Variants in SDK1 observed in about 807,000 individuals in gnomAD.
The protein encoded by SDK1 is sidekick cell adhesion molecule 1.
A neutral mutation model predicts 245.5 loss-of-function variants in SDK1; 157 were observed. The ratio of observed to expected loss-of-function variants is 0.64; its 90% confidence interval spans 0.56 to 0.73. SDK1 has a LOEUF of 0.73. Ranked by LOEUF, SDK1 falls within the 30% of genes least tolerant of loss-of-function variation. The probability of loss-of-function intolerance (pLI) is 0.00; values close to 1 mark genes in which losing one functional copy is unlikely to be tolerated. For synonymous variants in SDK1, 1,647 were observed against 1,278.5 expected, an observed-to-expected ratio of 1.29 and a Z score of -6.15; for missense variants, 3,583 against 3,002.3, an observed-to-expected ratio of 1.19 and a Z score of -4.52.
intron 30 of SDK1, among the ~76,000 whole-genome samples, chr7:4,157,429 GGCAAGA>G (rs1780815057): frequency 1.3e-5 from 1 of 75,650 alleles, no homozygotes; most frequent in African/African-American, 4.7e-5. Flanking sequence ...AGGGAAGGAA[GGCAAGA>G]GAAAAGGAGG....
At chr7:4,079,686 G>A in intron 22 of SDK1, 102 bp downstream of exon 22, 1 of 1,509,598 alleles carries the variant, frequency 6.6e-7, no homozygotes, top group African/African-American at 1.4e-5. Context: ...GTGTCGGGGA[G>A]ATGGGTGTGC....
At chr7:3,618,902 C>T (rs1371475830) in intron 1 of SDK1, among the ~76,000 whole-genome samples, 178 bp from the exon 2 acceptor site, 2 of 152,162 alleles carry the variant, frequency 1.3e-5, no homozygotes, top group South Asian at 4.1e-4. Flanking sequence ...GAAATATTAT[C>T]TGGGGTATTG....
chr7:3,549,923 G>A (rs1779346405), intron 1 of SDK1, among the ~76,000 whole-genome samples: 1 of 152,058 alleles, frequency 6.6e-6, no homozygotes, highest in Non-Finnish European at 1.5e-5. Flanking sequence ...TTTGGTGCAT[G>A]TGGCATGAAA....
chr7:3,940,253 T>C (rs1452915567), intron 5 of SDK1, among the ~76,000 whole-genome samples: 1 of 152,194 alleles, frequency 6.6e-6, no homozygotes, highest in East Asian at 1.9e-4. Flanking sequence ...AGAATAGTGA[T>C]TCAAGTTGGA....
chr7:3,828,675 ACACAAGGACTCTGT>A (rs1779840028), intron 5 of SDK1, among the ~76,000 whole-genome samples: 1 of 114,456 alleles, frequency 8.7e-6, no homozygotes, highest in Non-Finnish European at 1.7e-5. Flanking sequence ...TGTTTTTTTG[ACACAAGGACTCTGT>A]CACATGGACT....
intron 5 of SDK1, among the ~76,000 whole-genome samples, chr7:3,824,898 G>T (rs1346894137): frequency 2.6e-5 from 4 of 152,040 alleles, no homozygotes; most frequent in African/African-American, 9.7e-5. Context: ...CTCCCCTCTT[G>T]CGTGGTTAAG....
intron 5 of SDK1, among the ~76,000 whole-genome samples, chr7:3,839,923 T>C (rs1440595560): frequency 6.6e-6 from 1 of 152,220 alleles, no homozygotes; most frequent in African/African-American, 2.4e-5. Context: ...GCTTAATATA[T>C]ATTACATCAA....
chr7:4,112,516 C>A (rs1044924839), intron 23 of SDK1, among the ~76,000 whole-genome samples: 8 of 152,204 alleles, frequency 5.3e-5, no homozygotes, highest in Non-Finnish European at 4.4e-5. Flanking sequence ...AAAGGCTGGA[C>A]TTCAAAACTG....
intron 1 of SDK1, among the ~76,000 whole-genome samples, chr7:3,501,943 C>A (rs1438546790): frequency 6.6e-6 from 1 of 152,144 alleles, no homozygotes; most frequent in Non-Finnish European, 1.5e-5. Flanking sequence ...TCCTCCTAGA[C>A]CAAAGGTGTT....
At position 3,488,996 on chromosome 7, in the gene SDK1, G is replaced by A. The variant is rs957007856; in HGVS notation, c.299-130084G>A. The stretch of plus-strand genomic sequence containing the variant: ...TTCAATGAGTGGAATGGTGTTACAT[G>A]TCCATTCTTAAACCAGTCGTTGGGA... On this transcript the variant is annotated intron_variant, in intron 1 of 44. Coordinates refer to ENST00000404826, the MANE Select transcript of SDK1 (RefSeq NM_152744.4). Among the ~76,000 whole-genome samples, 3 of 151,936 alleles carry A rather than the reference G, an allele frequency of 2.0e-5. No homozygotes were observed. In the South Asian group the frequency reaches 6.2e-4, roughly 31 times the overall value.
At chr7:3,769,746 G>C (rs1780353196) in intron 4 of SDK1, among the ~76,000 whole-genome samples, 1 of 151,960 alleles carries the variant, frequency 6.6e-6, no homozygotes, top group African/African-American at 2.4e-5. Context: ...GTAGGTTAGG[G>C]GTTAGGAGTT....
chr7:3,687,501 A>G (rs1784321665), intron 4 of SDK1, among the ~76,000 whole-genome samples: 1 of 152,204 alleles, frequency 6.6e-6, no homozygotes, highest in Non-Finnish European at 1.5e-5. Context: ...CAGATATCGA[A>G]CCGCAGTCCA....
chr7:3,552,226 A>T (rs1267996145), intron 1 of SDK1, among the ~76,000 whole-genome samples: 1 of 151,976 alleles, frequency 6.6e-6, no homozygotes, highest in Non-Finnish European at 1.5e-5. Flanking sequence ...TTTAGTAGAG[A>T]CGGGGTTTCA....
chr7:3,760,877 C>T (rs114181281), intron 4 of SDK1, among the ~76,000 whole-genome samples: 1,593 of 152,328 alleles, frequency 0.01, 28 homozygotes, highest in African/African-American at 0.037. Context: ...ATCAACAGTT[C>T]ATTCCTTTTA....
intron 1 of SDK1, among the ~76,000 whole-genome samples, chr7:3,325,540 C>G (rs571865697): frequency 2.6e-5 from 4 of 152,024 alleles, no homozygotes; most frequent in African/African-American, 9.6e-5. Context: ...TTCTGTAATC[C>G]TAGTTCCCAG....
chr7:3,563,732 A>T lies in SDK1; in HGVS notation c.299-55348A>T, dbSNP rs549030779. Among the ~76,000 whole-genome samples the T allele has an allele frequency of 1.5e-4, 23 of 152,322 alleles. No individual in the cohort carries two copies. The South Asian group carries it at 4.6e-3, about 30-fold the overall frequency. On this transcript the variant is annotated intron_variant, in intron 1 of 44. Transcript: ENST00000404826. ...GTTAGGAATACACCTAAAACTGCAT[A>T]CTTGAGACAATGTGTATTTTTTAAG...
At chr7:3,583,376 C>G (rs12531698) in intron 1 of SDK1, among the ~76,000 whole-genome samples, 25,820 of 152,104 alleles carry the variant, frequency 0.17, 2,690 homozygotes, top group South Asian at 0.29. Context: ...GTGAGTGATT[C>G]ATAAAGGATA....
chr7:3,891,445 G>A (rs558887703), intron 5 of SDK1, among the ~76,000 whole-genome samples: 8 of 152,326 alleles, frequency 5.3e-5, no homozygotes, highest in East Asian at 1.9e-4. Flanking sequence ...GATGAATGCC[G>A]AGGATCGTTT....
At chr7:4,041,851 C>G (rs59373847) in intron 17 of SDK1, among the ~76,000 whole-genome samples, 14,480 of 134,842 alleles carry the variant, frequency 0.11, 4,776 homozygotes, top group African/African-American at 0.39. Context: ...GTCTCGCTCC[C>G]TTGCCAGGCT....
Sources: gnomAD v4.1 joint callset for allele counts (sites outside exome capture counted in the v4.1 genomes callset) on GRCh38, gnomAD v4.1.1 for gene constraint, MANE v1.5 for transcripts, NCBI Gene and HGNC (gene_info 2026-07-23, HGNC 2026-07-21) for gene names.